The following KCNK10 variants were observed in gnomAD, a reference collection of about 807,000 sequenced individuals.
The protein encoded by KCNK10 is potassium two pore domain channel subfamily K member 10.
Under a neutral mutation model 47.7 loss-of-function variants are expected in KCNK10, and 25 were observed. The observed-to-expected ratio is 0.52, with a 90% CI of 0.38 to 0.73. The LOEUF (loss-of-function observed/expected upper bound fraction) is 0.73. Among genes scored for constraint, KCNK10 ranks in the 30% least tolerant of loss-of-function variants. The pLI, the probability that KCNK10 is intolerant of heterozygous loss-of-function variation, is 0.00. For missense variants in KCNK10, 563 were observed against 714.5 expected (o/e 0.79, Z 2.42); for synonymous variants, 303 against 285.6 (o/e 1.06, Z -0.61).
intron 1 of KCNK10, among the ~76,000 whole-genome samples, chr14:88,265,406 T>G (rs1887225430): frequency 6.6e-6 from 1 of 152,104 alleles, no homozygotes; most frequent in East Asian, 1.9e-4. Context: ...AGCCCAGGAA[T>G]GTGGTCCCTC....
In KCNK10 at chr14:88,260,623, T is replaced by C. The variant is rs76037997; in HGVS notation, c.402+2579A>G. Among the ~76,000 whole-genome samples the C allele has an allele frequency of 0.021, 3,238 of 152,272 alleles. 263 individuals carry two copies. Among genetic ancestry groups the C allele is most frequent in the Admixed American group, 0.15 (2,279 of 15,290 alleles). ...ACTACCAGCTCTACCACTTTGGTGG[T>C]TGGAAAGTTACTCACCTCTTTAAGG... On this transcript the variant is annotated intron_variant, in intron 2 of 6. Coordinates refer to ENST00000319231, the MANE Select transcript of KCNK10 (RefSeq NM_138317.3). This position sits in a 1 kb window ranked among gnomAD's most constrained non-coding sequence, Gnocchi z 4.5.
At chr14:88,272,140 C>G (rs1887420492) in intron 1 of KCNK10, among the ~76,000 whole-genome samples, 1 of 152,154 alleles carries the variant, frequency 6.6e-6, no homozygotes, top group Non-Finnish European at 1.5e-5. Context: ...CTCCTTCCTC[C>G]TCCCTGGAAA....
chr14:88,198,770 T>A (rs909503743), intron 4 of KCNK10, among the ~76,000 whole-genome samples: 1 of 152,162 alleles, frequency 6.6e-6, no homozygotes, highest in Non-Finnish European at 1.5e-5. Flanking sequence ...AGTTACCCCT[T>A]GTGATCTCCT....
intron 1 of KCNK10, among the ~76,000 whole-genome samples, chr14:88,275,933 T>A (rs1456181637): frequency 6.6e-6 from 1 of 151,986 alleles, no homozygotes; most frequent in African/African-American, 2.4e-5. Flanking sequence ...TGAAAAAGGC[T>A]GTAGGTACAG....
chr14:88,222,867 G>A (rs1885861822), intron 4 of KCNK10, among the ~76,000 whole-genome samples: 1 of 152,174 alleles, frequency 6.6e-6, no homozygotes, highest in South Asian at 2.1e-4. Context: ...GCAGAAAGAG[G>A]TAACAAATCT....
chr14:88,279,185 C>G (rs75138686), intron 1 of KCNK10, among the ~76,000 whole-genome samples: 11 of 152,102 alleles, frequency 7.2e-5, no homozygotes, highest in African/African-American at 2.4e-4. Flanking sequence ...TGATGAGGTC[C>G]TACTATGGGC....
intron 4 of KCNK10, among the ~76,000 whole-genome samples, chr14:88,211,118 A>G (rs1231877315): frequency 6.6e-6 from 1 of 152,234 alleles, no homozygotes; most frequent in Non-Finnish European, 1.5e-5. Flanking sequence ...GTCCATCAAC[A>G]GATAAACAAA....
chr14:88,295,120 T>C (rs532361187), intron 1 of KCNK10, among the ~76,000 whole-genome samples: 77 of 152,298 alleles, frequency 5.1e-4, no homozygotes, highest in Non-Finnish European at 7.4e-5. Context: ...AGGGTGACAG[T>C]AGCGTTGTTC....
intron 2 of KCNK10, among the ~76,000 whole-genome samples, chr14:88,254,968 C>A (rs1886905171): frequency 6.6e-6 from 1 of 152,154 alleles, no homozygotes; most frequent in Non-Finnish European, 1.5e-5. Flanking sequence ...CACAATCATC[C>A]TAATGAGGAC....
intron 4 of KCNK10, among the ~76,000 whole-genome samples, chr14:88,198,432 A>T (rs1884992012): frequency 6.6e-6 from 1 of 152,246 alleles, no homozygotes; most frequent in African/African-American, 2.4e-5. Flanking sequence ...TTTCAGCAGC[A>T]TGATGAACAA....
chr14:88,305,484 C>T (rs1352129177), intron 1 of KCNK10, among the ~76,000 whole-genome samples: 2 of 152,112 alleles, frequency 1.3e-5, no homozygotes, highest in Non-Finnish European at 2.9e-5. Flanking sequence ...CTCACCAGCA[C>T]CAGGGTTTGT....
chr14:88,226,907 G>A (rs1400630645), intron 4 of KCNK10, among the ~76,000 whole-genome samples: 1 of 152,190 alleles, frequency 6.6e-6, no homozygotes, highest in Admixed American at 6.5e-5. Flanking sequence ...TAGGAGACAG[G>A]TGCAAAGCAC....
chr14:88,270,665 T>C, intron 1 of KCNK10: 1 of 779,648 alleles, frequency 1.3e-6, no homozygotes. Flanking sequence ...AAGAGGGAGC[T>C]AGAACTGCCT....
intron 4 of KCNK10, among the ~76,000 whole-genome samples, chr14:88,203,653 C>A (rs1397632095): frequency 2.0e-5 from 3 of 152,210 alleles, no homozygotes; most frequent in Non-Finnish European, 4.4e-5. Context: ...TCCTGAGAAT[C>A]TAGTGTTACC....
Position 88,186,971 on chromosome 14 carries a change from T to C in KCNK10, c.1012-816A>G, listed in dbSNP as rs1884584013. Among the ~76,000 whole-genome samples, 1 of 152,226 alleles carries C rather than the reference T, an allele frequency of 6.6e-6. No individual in the cohort carries two copies. Among genetic ancestry groups the C allele is most frequent in the Non-Finnish European group, 1.5e-5 (1 of 68,042 alleles). On this transcript the variant is annotated intron_variant, in intron 6 of 6. Coordinates refer to ENST00000319231, the MANE Select transcript of KCNK10 (RefSeq NM_138317.3). The surrounding 1 kb of genome is among the most constrained non-coding windows in gnomAD (Gnocchi z 5.5). ...AACAGGGCAGACAGTATAAGTCCCATGCTTCCCTCTGCAAATGAGGAACTC... is the reference window on the plus strand; with the variant it reads ...AACAGGGCAGACAGTATAAGTCCCACGCTTCCCTCTGCAAATGAGGAACTC...
intron 2 of KCNK10, among the ~76,000 whole-genome samples, chr14:88,255,773 T>C (rs971426492): frequency 1.3e-5 from 2 of 151,974 alleles, no homozygotes; most frequent in African/African-American, 2.4e-5. Flanking sequence ...GGCAGGAGGA[T>C]TGCTTGAGCC....
chr14:88,210,509 GA>G (rs963232253), intron 4 of KCNK10, among the ~76,000 whole-genome samples: 1 of 152,166 alleles, frequency 6.6e-6, no homozygotes, highest in Non-Finnish European at 1.5e-5. Context: ...TTTCAGAGTA[GA>G]AAAAAGGTCT....
intron 1 of KCNK10, among the ~76,000 whole-genome samples, chr14:88,289,480 G>A (rs1887833186): frequency 6.6e-6 from 1 of 152,242 alleles, no homozygotes; most frequent in Non-Finnish European, 1.5e-5. Context: ...CCATGGACTT[G>A]CAGCTTTGGG....
intron 4 of KCNK10, among the ~76,000 whole-genome samples, chr14:88,216,661 C>CAT (rs1228066876): frequency 1.3e-5 from 2 of 152,146 alleles, no homozygotes; most frequent in Non-Finnish European, 2.9e-5. Flanking sequence ...TTGTGGATGT[C>CAT]ATATATGTAG....
Sources: allele counts gnomAD v4.1 joint callset (sites outside exome capture counted in the v4.1 genomes callset), GRCh38; gene constraint gnomAD v4.1.1; non-coding constraint Gnocchi (gnomAD v3.1); transcripts MANE v1.5; gene names NCBI Gene and HGNC (gene_info 2026-07-23, HGNC 2026-07-21).